Variants in RHOJ observed in about 807,000 individuals in gnomAD.
The protein encoded by RHOJ is ras homolog family member J.
RHOJ carries 11 observed loss-of-function variants against 23.4 expected under a neutral mutation model. The observed-to-expected ratio is 0.47, with a 90% CI of 0.30 to 0.78. The LOEUF (loss-of-function observed/expected upper bound fraction) is 0.78, where lower values mean the gene tolerates loss of function less well. Ranked by LOEUF, RHOJ falls within the 30% of genes least tolerant of loss-of-function variation. The pLI is 0.08. For synonymous variants in RHOJ, 102 were observed against 102.7 expected (o/e 0.99, Z 0.04); for missense variants, 254 against 273.4 (o/e 0.93, Z 0.50).
At chr14:63,281,725 AG>A (rs1224388337) in intron 3 of RHOJ, among the ~76,000 whole-genome samples, 1 of 152,236 alleles carries the variant, frequency 6.6e-6, no homozygotes, top group East Asian at 1.9e-4. Flanking sequence ...GTGTTCTGAA[AG>A]CTAATCAATT....
chr14:63,273,794 G>C (rs1472325663), intron 2 of RHOJ, among the ~76,000 whole-genome samples: 1 of 152,246 alleles, frequency 6.6e-6, no homozygotes, highest in Non-Finnish European at 1.5e-5. Flanking sequence ...GAAAATGGCA[G>C]CTAGCAGCAC....
At chr14:63,278,822 C>CA (rs1037244397) in intron 2 of RHOJ, among the ~76,000 whole-genome samples, 8 of 151,386 alleles carry the variant, frequency 5.3e-5, no homozygotes, top group Non-Finnish European at 7.4e-5. Context: ...CCCATCTCTA[C>CA]AAAAAAAATA....
In RHOJ at chr14:63,269,161, C is replaced by T. The variant is rs779322721; in HGVS notation, c.230C>T (p.Ala77Val). 6.8e-6 allele frequency: 11 copies of T among 1,610,766 alleles called. No individual in the cohort carries two copies. The highest frequency in any genetic ancestry group is 2.7e-5 in the African/African-American group (2 of 74,814). The change falls in exon 2 of 5, where the codon GCG (alanine) becomes GTG (valine). Residue 77 changes from alanine (A) to valine (V), a missense_variant. Coordinates refer to ENST00000316754, the MANE Select transcript of RHOJ (RefSeq NM_020663.5). Reference sequence around the variant, plus strand: ...CACTTGCTCGGACTGTATGACACCGCGGGACAGGTACATTTTTATTATCTT... The same window carrying T: ...CACTTGCTCGGACTGTATGACACCGTGGGACAGGTACATTTTTATTATCTT... ...KQHLLGLYDT[A>V]GQEDYNQLRP...
chr14:63,281,552 T>C (rs1486647975), intron 3 of RHOJ, among the ~76,000 whole-genome samples: 3 of 152,060 alleles, frequency 2.0e-5, no homozygotes, highest in Non-Finnish European at 4.4e-5. Context: ...GCAATCAGAA[T>C]AGGCATTCTA....
intron 1 of RHOJ, among the ~76,000 whole-genome samples, chr14:63,267,684 C>T (rs911884550): frequency 2.6e-5 from 4 of 152,216 alleles, no homozygotes; most frequent in African/African-American, 7.2e-5. Context: ...ACAGCCTCAC[C>T]TCCATTCCTA....
At chr14:63,212,031 C>T (rs561018080) in intron 1 of RHOJ, among the ~76,000 whole-genome samples, 9 of 152,292 alleles carry the variant, frequency 5.9e-5, no homozygotes, top group South Asian at 4.1e-4. Flanking sequence ...GTATTCAAGT[C>T]AGTAGGGCTG....
intron 4 of RHOJ, chr14:63,288,191 T>C: frequency 1.0e-6 from 1 of 985,462 alleles, no homozygotes; most frequent in South Asian, 4.7e-5. Context: ...TCTTCAGAAA[T>C]GTCTGAATTG....
intron 1 of RHOJ, among the ~76,000 whole-genome samples, chr14:63,264,983 T>G (rs1431399995): frequency 6.6e-6 from 1 of 152,204 alleles, no homozygotes; most frequent in East Asian, 1.9e-4. Context: ...TGTTGATAGT[T>G]TGTTTTGTTT....
intron 1 of RHOJ, among the ~76,000 whole-genome samples, chr14:63,244,660 C>T (rs1020999325): frequency 2.0e-5 from 3 of 152,184 alleles, no homozygotes; most frequent in Non-Finnish European, 4.4e-5. Flanking sequence ...AAACACCCAT[C>T]AAATCTCAAG....
intron 1 of RHOJ, among the ~76,000 whole-genome samples, chr14:63,252,822 A>C (rs1027348340): frequency 1.3e-5 from 2 of 152,174 alleles, no homozygotes; most frequent in African/African-American, 2.4e-5. Flanking sequence ...TATGTTGCCC[A>C]GGCTATTCAC....
chr14:63,277,798 G>C (rs1881777058), intron 2 of RHOJ, among the ~76,000 whole-genome samples: 1 of 152,152 alleles, frequency 6.6e-6, no homozygotes, highest in Non-Finnish European at 1.5e-5. Context: ...AGACTTCTTG[G>C]CTCACGGGCC....
chr14:63,248,629 T>G (rs1895017249), intron 1 of RHOJ, among the ~76,000 whole-genome samples: 1 of 152,236 alleles, frequency 6.6e-6, no homozygotes, highest in Non-Finnish European at 1.5e-5. Context: ...TTCCTAACAT[T>G]GCTGTCTTTC....
intron 2 of RHOJ, among the ~76,000 whole-genome samples, chr14:63,276,774 T>C (rs946338883): frequency 1.3e-5 from 2 of 152,206 alleles, no homozygotes; most frequent in African/African-American, 4.8e-5. Flanking sequence ...TTTTCCATAA[T>C]GTAAATAGAA....
intron 2 of RHOJ, among the ~76,000 whole-genome samples, chr14:63,269,802 G>A (rs1220485926): frequency 6.6e-6 from 1 of 152,190 alleles, no homozygotes; most frequent in Non-Finnish European, 1.5e-5. Context: ...AATAACACAA[G>A]ACAACGGGCT....
intron 1 of RHOJ, among the ~76,000 whole-genome samples, chr14:63,267,150 A>G (rs1191715556): frequency 6.6e-6 from 1 of 152,258 alleles, no homozygotes; most frequent in Non-Finnish European, 1.5e-5. Context: ...CAGAGGAAAC[A>G]GAAAGCTTCG....
At chr14:63,221,584 G>C (rs1894494881) in intron 1 of RHOJ, among the ~76,000 whole-genome samples, 1 of 152,214 alleles carries the variant, frequency 6.6e-6, no homozygotes, top group Non-Finnish European at 1.5e-5. Context: ...ATTCCCCAGT[G>C]ATGAGAACTG....
In RHOJ at chr14:63,269,434, A is replaced by T. The variant is rs115963118; in HGVS notation, c.237+266A>T. 7.8e-3 allele frequency: 2,594 copies of T among 334,074 alleles called. 67 individuals carry two copies. Among genetic ancestry groups the T allele is most frequent in the African/African-American group, 0.049 (2,337 of 47,242 alleles). 20.7% of individuals were successfully genotyped at this position (334,074 alleles called of 1,614,324 possible). A position where few individuals can be genotyped will look rare whatever the true frequency, so the allele number is the denominator to read the frequency against. ...ACCATCAAAAACCAGAATAACAGATATGTGACCACGAGTTTCAATTTCTTT... is the reference window on the plus strand; with the variant it reads ...ACCATCAAAAACCAGAATAACAGATTTGTGACCACGAGTTTCAATTTCTTT... On this transcript the variant is annotated intron_variant, in intron 2 of 4. Transcript: ENST00000316754.
chr14:63,241,305 G>A (rs760221860), intron 1 of RHOJ, among the ~76,000 whole-genome samples: 121 of 152,160 alleles, frequency 8.0e-4, no homozygotes, highest in Admixed American at 3.8e-3. Context: ...AAAATCATTT[G>A]CATCCTCCCA....
intron 1 of RHOJ, among the ~76,000 whole-genome samples, chr14:63,250,082 T>G (rs1484676744): frequency 6.6e-6 from 1 of 152,108 alleles, no homozygotes; most frequent in Non-Finnish European, 1.5e-5. Context: ...TAGACACATC[T>G]CCCACATCTC....
Sources: gnomAD v4.1 joint callset for allele counts (sites outside exome capture counted in the v4.1 genomes callset) on GRCh38, gnomAD v4.1.1 for gene constraint, MANE v1.5 for transcripts, NCBI Gene and HGNC (gene_info 2026-07-23, HGNC 2026-07-21) for gene names.